KIFC3: variants seen among roughly 807,000 people sequenced by gnomAD.
The protein encoded by KIFC3 is kinesin-like protein KIFC3.
KIFC3 carries 60 observed loss-of-function variants against 101.8 expected under a neutral mutation model. That is an observed-to-expected ratio of 0.59 (90% CI 0.48 to 0.73). The LOEUF (loss-of-function observed/expected upper bound fraction) is 0.73. KIFC3 is among the 30% of genes least tolerant of loss of function. The pLI, the probability that KIFC3 is intolerant of heterozygous loss-of-function variation, is 0.00. For missense variants in KIFC3, 966 were observed against 1,137.1 expected, an observed-to-expected ratio of 0.85 and a Z score of 2.16; for synonymous variants, 476 against 482.7, an observed-to-expected ratio of 0.99 and a Z score of 0.18.
rs1413535117 is a variant in KIFC3, at chr16:57,758,751, A to ATGTT, written c.*179_*182dup. On this transcript the variant is annotated 3_prime_UTR_variant, in exon 20 of 20. Coordinates refer to ENST00000445690, the MANE Select transcript of KIFC3 (RefSeq NM_001130100.2). Reference sequence around the variant, plus strand: ...CGAGAGACACCGTTTCCTTCTGAACATGTTTCTCATCTTTGAGGGGAGACG... The same window carrying ATGTT: ...CGAGAGACACCGTTTCCTTCTGAACATGTTTGTTTCTCATCTTTGAGGGGAGACG... 2.1e-6 allele frequency: 2 copies of ATGTT among 973,200 alleles called. No homozygotes were observed. Among genetic ancestry groups the ATGTT allele is most frequent in the Non-Finnish European group, 3.3e-6 (2 of 611,492 alleles). The allele number at this position is 973,200 out of a possible 1,614,324, so 60.3% of individuals were successfully genotyped here. A position where few individuals can be genotyped will look rare whatever the true frequency, so the allele number is the denominator to read the frequency against.
At position 57,762,125 on chromosome 16, in the gene KIFC3, C is replaced by T. The variant is rs782362589; in HGVS notation, c.1748+15G>A. 20 of 1,585,516 alleles carry T rather than the reference C, an allele frequency of 1.3e-5. No homozygotes were observed. The highest frequency in any genetic ancestry group is 1.7e-5 in the Non-Finnish European group (20 of 1,164,132). On this transcript the variant is annotated intron_variant, in intron 13 of 19. Coordinates refer to ENST00000445690, the MANE Select transcript of KIFC3 (RefSeq NM_001130100.2). ...CTGCCCCTGAGGCCTGCTCCGCACA[C>T]CCTGGGGCTCCCACCTGAGGACCTC...
chr16:57,841,007 C>T (rs949880784), intron 1 of KIFC3, among the ~76,000 whole-genome samples: 9 of 152,322 alleles, frequency 5.9e-5, no homozygotes, highest in Non-Finnish European at 1.3e-4. Flanking sequence ...ATAGCTTCAA[C>T]CCTGTCACGT....
intron 1 of KIFC3, among the ~76,000 whole-genome samples, chr16:57,850,170 C>T (rs747530052): frequency 2.0e-4 from 30 of 151,838 alleles, no homozygotes; most frequent in Non-Finnish European, 2.9e-5. Context: ...GAGACTGAGG[C>T]GGGAGAATTG....
At chr16:57,770,436 G>A (rs920548439) in intron 7 of KIFC3, 91 bp downstream of exon 7, 1 of 1,178,850 alleles carries the variant, frequency 8.5e-7, no homozygotes, top group African/African-American at 1.6e-5. Context: ...CCCCGTGTCT[G>A]TGGGGTACCC....
upstream of KIFC3, chr16:57,808,050 AC>A (rs1475976066): frequency 1.3e-5 from 2 of 151,882 alleles, no homozygotes; most frequent in Non-Finnish European, 2.9e-5. Flanking sequence ...AAAAGACTGA[AC>A]TCGACAGTTC....
intron 1 of KIFC3, among the ~76,000 whole-genome samples, chr16:57,841,208 T>A (rs1193378001): frequency 6.6e-6 from 1 of 152,002 alleles, no homozygotes; most frequent in African/African-American, 2.4e-5. Flanking sequence ...GAGGGATGGG[T>A]GGCTGAATTT....
rs976099265 is a variant in KIFC3, at chr16:57,794,348, C to T, written c.315+651G>A. 3.4e-4 allele frequency among the ~76,000 whole-genome samples: 51 copies of T among 151,940 alleles called. 2 individuals carry two copies. The highest frequency in any genetic ancestry group is 2.0e-3 in the Admixed American group (30 of 15,266). ...TCAAGCGATCCTCCCACCCCAGCCT[C>T]CTGAGTAGCTGGGACTATAGGAACC... On this transcript the variant is annotated intron_variant, in intron 3 of 19. Transcript: ENST00000445690.
At chr16:57,838,466 A>G (rs537545401) in intron 1 of KIFC3, among the ~76,000 whole-genome samples, 1 of 152,184 alleles carries the variant, frequency 6.6e-6, no homozygotes, top group South Asian at 2.1e-4. Context: ...GTCTGCAGCA[A>G]TTTTTCTCAA....
chr16:57,770,651 A>T lies in KIFC3; in HGVS notation c.815T>A (p.Leu272His). ...EVESSKTKQA[L>H]SESQARNQHL... ...CTGGTTCCGGGCCTGGGACTCGCTG[A>T]GGGCCTGCTTGGTCTTGGACGACTC... Residue 272 changes from leucine (L) to histidine (H), a missense_variant, in exon 7 of 20, where the codon CTC (leucine) becomes CAC (histidine). Coordinates refer to ENST00000445690, the MANE Select transcript of KIFC3 (RefSeq NM_001130100.2). 6.4e-7 allele frequency: 1 copy of T among 1,559,548 alleles called. No homozygotes were observed. The highest frequency in any genetic ancestry group is 2.4e-5 in the East Asian group (1 of 42,298).
chr16:57,820,743 T>C (rs781999036), intron 1 of KIFC3, among the ~76,000 whole-genome samples: 17 of 152,252 alleles, frequency 1.1e-4, no homozygotes, highest in Non-Finnish European at 2.1e-4. Flanking sequence ...TTTGTCTTGT[T>C]CCCTGCTGAC....
intron 3 of KIFC3, among the ~76,000 whole-genome samples, chr16:57,793,761 G>A (rs567231824): frequency 1.3e-5 from 2 of 151,960 alleles, no homozygotes; most frequent in South Asian, 2.1e-4. Context: ...CCCGGGAGGC[G>A]GATATTACAG....
intron 3 of KIFC3, among the ~76,000 whole-genome samples, chr16:57,790,759 C>T (rs1479205306): frequency 6.6e-6 from 1 of 152,198 alleles, no homozygotes; most frequent in East Asian, 1.9e-4. Context: ...TAGCTATTAT[C>T]AGGACATGAT....
intron 1 of KIFC3, among the ~76,000 whole-genome samples, chr16:57,821,130 T>A (rs1354348524): frequency 2.2e-4 from 32 of 143,484 alleles, no homozygotes; most frequent in African/African-American, 4.4e-4. Context: ...GCCTGTGTAT[T>A]AAAAAAAAAA....
At chr16:57,764,421 G>C in intron 11 of KIFC3, 174 bp from the exon 12 acceptor site, 1 of 587,788 alleles carries the variant, frequency 1.7e-6, no homozygotes. Flanking sequence ...ACATTAGACA[G>C]TAGTGGGCAA....
intron 3 of KIFC3, chr16:57,775,488 C>G (rs1266661699): frequency 2.0e-6 from 2 of 990,832 alleles, no homozygotes; most frequent in Non-Finnish European, 2.4e-6. Flanking sequence ...GGCAATCTCT[C>G]AGAGTTAGGG....
At chr16:57,837,474 A>G (rs2055710053) in intron 1 of KIFC3, among the ~76,000 whole-genome samples, 1 of 144,452 alleles carries the variant, frequency 6.9e-6, no homozygotes, top group Non-Finnish European at 1.5e-5. Flanking sequence ...TCAAAAAAGA[A>G]AGAAAGAAAG....
At chr16:57,760,204 C>T in intron 17 of KIFC3, 78 bp downstream of exon 17, 1 of 1,525,816 alleles carries the variant, frequency 6.6e-7, no homozygotes, top group Non-Finnish European at 8.9e-7. Context: ...GACGTCCCCG[C>T]CCAGCTCCCT....
chr16:57,818,346 A>G (rs781955506), intron 1 of KIFC3, among the ~76,000 whole-genome samples: 21 of 152,086 alleles, frequency 1.4e-4, no homozygotes, highest in Admixed American at 6.6e-5. Context: ...CCATGGTCAT[A>G]TAGCTAACAA....
chr16:57,763,595 G>A (rs1416462104), intron 12 of KIFC3, among the ~76,000 whole-genome samples: 3 of 152,118 alleles, frequency 2.0e-5, no homozygotes, highest in African/African-American at 7.2e-5. Flanking sequence ...CCCTCTCCCT[G>A]GCCTGCCACC....
Sources: gnomAD v4.1 joint callset for allele counts (sites outside exome capture counted in the v4.1 genomes callset) on GRCh38, gnomAD v4.1.1 for gene constraint, MANE v1.5 for transcripts, NCBI Gene and HGNC (gene_info 2026-07-23, HGNC 2026-07-21) for gene names.